Variants in L3MBTL4 observed in about 807,000 individuals in gnomAD.
The protein encoded by L3MBTL4 is lethal(3)malignant brain tumor-like protein 4.
A neutral mutation model predicts 84.5 loss-of-function variants in L3MBTL4; 70 were observed. The observed-to-expected ratio is 0.83, with a 90% CI of 0.68 to 1.01. L3MBTL4 has a LOEUF of 1.01. L3MBTL4 is among the 50% of genes least tolerant of loss of function. L3MBTL4 has a pLI of 0.00. For synonymous variants in L3MBTL4, 274 were observed against 259.8 expected (o/e 1.05, Z -0.52); for missense variants, 715 against 754.8 (o/e 0.95, Z 0.62).
At chr18:6,394,544 C>A (rs547212043) in intron 1 of L3MBTL4, among the ~76,000 whole-genome samples, 230 of 152,056 alleles carry the variant, frequency 1.5e-3, no homozygotes, top group Middle Eastern at 6.8e-3. Context: ...TTATTGACGG[C>A]CTCTCCCCCA....
intron 1 of L3MBTL4, among the ~76,000 whole-genome samples, chr18:6,382,322 GC>G (rs2054624484): frequency 6.6e-6 from 1 of 152,122 alleles, no homozygotes; most frequent in African/African-American, 2.4e-5. Flanking sequence ...ACCTTCTGAA[GC>G]CTACTTCTGT....
At chr18:6,031,354 A>G in intron 16 of L3MBTL4, 1 of 985,376 alleles carries the variant, frequency 1.0e-6, no homozygotes, top group Non-Finnish European at 1.2e-6. Flanking sequence ...GCCTTCCTTC[A>G]CCTTATTGTA....
In L3MBTL4 at chr18:6,071,814, AG is replaced by A. The variant is rs1240428559; in HGVS notation, c.1444+9066del. On this transcript the variant is annotated intron_variant, in intron 16 of 18. Coordinates refer to ENST00000317931, the MANE Select transcript of L3MBTL4 (RefSeq NM_001330559.2). ...GAAAGAAAGAAAGAAAAAGAAAGAA[AG>A]GAAAGAAAGAAAGAAAGAAAGAGAA... 8.2e-3 allele frequency among the ~76,000 whole-genome samples: 1,001 copies of A among 121,756 alleles called. 12 individuals are homozygous for A. The highest frequency in any genetic ancestry group is 0.039 in the African/African-American group (946 of 24,394). 79.9% of individuals were successfully genotyped at this position (121,756 alleles called of 152,430 possible). A position where few individuals can be genotyped will look rare whatever the true frequency, so the allele number is the denominator to read the frequency against.
At chr18:6,122,584 T>C (rs1451279917) in intron 14 of L3MBTL4, among the ~76,000 whole-genome samples, 11 of 152,352 alleles carry the variant, frequency 7.2e-5, no homozygotes, top group East Asian at 3.9e-4. Flanking sequence ...TCCACCATGA[T>C]TGTGAGGCCT....
intron 4 of L3MBTL4, among the ~76,000 whole-genome samples, chr18:6,285,951 C>T (rs555794374): frequency 6.6e-6 from 1 of 151,634 alleles, no homozygotes; most frequent in South Asian, 2.1e-4. Context: ...TCTGCCTCAG[C>T]CTCCCCAGTA....
chr18:5,985,700 G>A (rs931608858), intron 16 of L3MBTL4, among the ~76,000 whole-genome samples: 11 of 152,168 alleles, frequency 7.2e-5, no homozygotes, highest in African/African-American at 2.7e-4. Context: ...ATGACATGCT[G>A]AGGGAATTAT....
intron 13 of L3MBTL4, among the ~76,000 whole-genome samples, chr18:6,148,309 G>A (rs1207592501): frequency 6.6e-6 from 1 of 152,038 alleles, no homozygotes; most frequent in Non-Finnish European, 1.5e-5. Flanking sequence ...GTAAAATGTT[G>A]GATTGTTTTA....
At chr18:6,377,836 C>T (rs866092749) in intron 1 of L3MBTL4, among the ~76,000 whole-genome samples, 29 of 152,098 alleles carry the variant, frequency 1.9e-4, no homozygotes, top group African/African-American at 6.0e-4. Context: ...GAGTATATAC[C>T]CAGTAATGGG....
At chr18:6,120,155 G>A (rs1270929027) in intron 14 of L3MBTL4, among the ~76,000 whole-genome samples, 4 of 152,192 alleles carry the variant, frequency 2.6e-5, no homozygotes, top group African/African-American at 9.7e-5. Context: ...GCCTGAAACA[G>A]TACAGATGTG....
At chr18:6,342,642 G>C (rs540244707) in intron 1 of L3MBTL4, among the ~76,000 whole-genome samples, 2 of 151,852 alleles carry the variant, frequency 1.3e-5, no homozygotes, top group Non-Finnish European at 2.9e-5. Flanking sequence ...TCAATGAAAG[G>C]AAATGGCAAC....
intron 4 of L3MBTL4, among the ~76,000 whole-genome samples, chr18:6,280,291 C>G (rs1220019015): frequency 6.6e-6 from 1 of 152,176 alleles, no homozygotes; most frequent in South Asian, 2.1e-4. Context: ...AAAGTGCATT[C>G]GAAGCAGCCA....
chr18:6,016,064 C>T (rs11875911), intron 16 of L3MBTL4, among the ~76,000 whole-genome samples: 15,660 of 152,244 alleles, frequency 0.1, 1,645 homozygotes, highest in African/African-American at 0.24. Flanking sequence ...TCAGGGCAGG[C>T]CTCCACTACA....
At chr18:6,055,909 G>GC (rs2057006114) in intron 16 of L3MBTL4, among the ~76,000 whole-genome samples, 1 of 152,056 alleles carries the variant, frequency 6.6e-6, no homozygotes, top group Non-Finnish European at 1.5e-5. Context: ...GGGACTTTGT[G>GC]TTTATTTTTA....
At chr18:6,384,772 C>T (rs1426345375) in intron 1 of L3MBTL4, among the ~76,000 whole-genome samples, 4 of 152,138 alleles carry the variant, frequency 2.6e-5, no homozygotes, top group Admixed American at 2.6e-4. Flanking sequence ...CTGTCTGTCA[C>T]GGATGGTCTC....
At chr18:6,409,026 C>A (rs2055855104) in intron 1 of L3MBTL4, among the ~76,000 whole-genome samples, 1 of 152,156 alleles carries the variant, frequency 6.6e-6, no homozygotes, top group Admixed American at 6.6e-5. Flanking sequence ...CAAAAGAACT[C>A]TGAATTTTCT....
At chr18:6,016,313 G>A (rs2054976425) in intron 16 of L3MBTL4, among the ~76,000 whole-genome samples, 1 of 152,196 alleles carries the variant, frequency 6.6e-6, no homozygotes, top group Non-Finnish European at 1.5e-5. Context: ...TGCAGATACT[G>A]GGACGCCAAC....
In L3MBTL4 at chr18:6,341,268, A is replaced by G. The variant is rs554867436; in HGVS notation, c.-90-29212T>C. On this transcript the variant is annotated intron_variant, in intron 1 of 18. Coordinates refer to ENST00000317931, the MANE Select transcript of L3MBTL4 (RefSeq NM_001330559.2). The stretch of plus-strand genomic sequence containing the variant: ...AAAAGAACAAAATAAAGCTCCAGAG[A>G]CTGATCTTAAAAAAAATGGATACCT... Among the ~76,000 whole-genome samples, 14 of 152,276 alleles carry G rather than the reference A, an allele frequency of 9.2e-5. No homozygotes were observed. The South Asian group carries it at 2.5e-3, about 27-fold the overall frequency.
chr18:6,329,254 C>T (rs993113478), intron 1 of L3MBTL4, among the ~76,000 whole-genome samples: 1 of 149,744 alleles, frequency 6.7e-6, no homozygotes. Flanking sequence ...CCTGGGTTCA[C>T]GCCATTCTCC....
At chr18:6,350,979 G>A (rs1326943357) in intron 1 of L3MBTL4, among the ~76,000 whole-genome samples, 1 of 152,150 alleles carries the variant, frequency 6.6e-6, no homozygotes, top group African/African-American at 2.4e-5. Flanking sequence ...ATCACCTGAG[G>A]TCAGGAGTTC....
Sources: gnomAD v4.1 joint callset for allele counts (sites outside exome capture counted in the v4.1 genomes callset) on GRCh38, gnomAD v4.1.1 for gene constraint, MANE v1.5 for transcripts, NCBI Gene and HGNC (gene_info 2026-07-23, HGNC 2026-07-21) for gene names.